The following SNX14 variants were observed in gnomAD, a reference collection of about 807,000 sequenced individuals.
The protein encoded by SNX14 is sorting nexin-14.
Under a neutral mutation model 133.8 loss-of-function variants are expected in SNX14, and 93 were observed. The observed-to-expected ratio is 0.70, with a 90% confidence interval of 0.59 to 0.83. SNX14 has a LOEUF of 0.83. Ranked by LOEUF, SNX14 falls within the 40% of genes least tolerant of loss-of-function variation. SNX14 has a pLI of 0.00. For synonymous variants in SNX14, 368 were observed against 365.6 expected (o/e 1.01, Z -0.07); for missense variants, 945 against 1,094.9 (o/e 0.86, Z 1.93).
chr6:85,575,519 T>C (rs1050904637), intron 1 of SNX14, among the ~76,000 whole-genome samples: 2 of 152,142 alleles, frequency 1.3e-5, no homozygotes, highest in Admixed American at 6.5e-5. Context: ...TGTCTCCCAA[T>C]AATAAATCTG....
chr6:85,582,592 G>A lies in SNX14; in HGVS notation c.141-8214C>T, dbSNP rs145767399. 5.7e-3 allele frequency among the ~76,000 whole-genome samples: 856 copies of A among 151,480 alleles called. 8 individuals carry two copies. The highest frequency in any genetic ancestry group is 0.02 in the African/African-American group (825 of 41,356). On this transcript the variant is annotated intron_variant, in intron 1 of 28. Transcript: ENST00000314673. ...TAGACACAATAAAAAATGATAAAGG[G>A]GATATCATCACTGATCTCACAAAAA...
rs1180833979 is a variant in SNX14 at position 85,536,742 on chromosome 6, C to T, written c.1608+50G>A. The T allele has an allele frequency of 4.5e-6, 7 of 1,553,138 alleles. No homozygotes were observed. The East Asian group carries it at 6.9e-5, about 15-fold the overall frequency. On this transcript the variant is annotated intron_variant, in intron 17 of 28. Transcript: ENST00000314673. ...TAATGAGTATATCTAATTTTTATGT[C>T]ATAGTAAGTCTGAAGTTATAAATAA...
At chr6:85,519,904 A>G (rs1402906315) in intron 21 of SNX14, among the ~76,000 whole-genome samples, 1 of 152,116 alleles carries the variant, frequency 6.6e-6, no homozygotes, top group African/African-American at 2.4e-5. Flanking sequence ...AAAAACTATG[A>G]TTGTGCCACT....
chr6:85,587,973 AG>A (rs1171514334), intron 1 of SNX14, among the ~76,000 whole-genome samples: 1 of 152,144 alleles, frequency 6.6e-6, no homozygotes, highest in Non-Finnish European at 1.5e-5. Context: ...AGCGGGGGGC[AG>A]GGTGTGTGTG....
chr6:85,508,601 G>A (rs559320106), intron 26 of SNX14: 1 of 159,806 alleles, frequency 6.3e-6, no homozygotes, highest in Admixed American at 6.5e-5. Context: ...ACTTTTCTCA[G>A]TGAATAAGAA....
At chr6:85,514,363 T>C (rs1774041504) in intron 24 of SNX14, 129 bp from the exon 25 acceptor site, 2 of 1,437,904 alleles carry the variant, frequency 1.4e-6, no homozygotes, top group Non-Finnish European at 1.9e-6. Flanking sequence ...TTTAATATGA[T>C]CAAGGCCAAT....
intron 23 of SNX14, among the ~76,000 whole-genome samples, chr6:85,516,191 T>G (rs1774914321): frequency 6.6e-6 from 1 of 152,178 alleles, no homozygotes; most frequent in Admixed American, 6.5e-5. Context: ...AAAACACTCC[T>G]TGAATAGATG....
At chr6:85,575,261 AAAT>A (rs1326842033) in intron 1 of SNX14, among the ~76,000 whole-genome samples, 2 of 152,232 alleles carry the variant, frequency 1.3e-5, no homozygotes, top group Non-Finnish European at 2.9e-5. Context: ...TGATTGTGCT[AAAT>A]AACACCAGTC....
chr6:85,525,621 A>G (rs1421157643), intron 21 of SNX14, among the ~76,000 whole-genome samples: 5 of 152,174 alleles, frequency 3.3e-5, no homozygotes, highest in African/African-American at 9.6e-5. Context: ...AATAACTACT[A>G]CAAGTGACCC....
At chr6:85,556,087 T>G (rs1789663916) in intron 7 of SNX14, among the ~76,000 whole-genome samples, 1 of 152,102 alleles carries the variant, frequency 6.6e-6, no homozygotes, top group South Asian at 2.1e-4. Context: ...ATGTATCAAG[T>G]AATGTAAGAT....
Position 85,541,998 on chromosome 6 carries a change from A to T in SNX14, c.1435T>A (p.Ser479Thr). 1 of 1,595,208 alleles carries T rather than the reference A, an allele frequency of 6.3e-7. No homozygotes were observed. The part of the protein sequence containing the change: ...LRGAESPTRN[S>T]KLNRGSLSLD... Reference sequence around the variant, plus strand: ...CATACAACCTACCTGTTCAATTTTGAATTGCGTGTTGGTGATTCTGCACCT... The same window carrying T: ...CATACAACCTACCTGTTCAATTTTGTATTGCGTGTTGGTGATTCTGCACCT... Residue 479 changes from serine to threonine, a missense_variant, in exon 15 of 29, where the codon TCA becomes ACA. Ser to Thr is a moderately conservative substitution (Grantham distance 58). Coordinates refer to ENST00000314673, the MANE Select transcript of SNX14 (RefSeq NM_153816.6).
At chr6:85,514,008 T>C in intron 25 of SNX14, 62 bp downstream of exon 25, 1 of 1,567,342 alleles carries the variant, frequency 6.4e-7, no homozygotes, top group Non-Finnish European at 8.6e-7. Context: ...TCTTCCTCTT[T>C]AGATTCAATT....
intron 15 of SNX14, among the ~76,000 whole-genome samples, chr6:85,540,965 TTATA>T (rs1327370757): frequency 6.6e-6 from 1 of 152,064 alleles, no homozygotes; most frequent in African/African-American, 2.4e-5. Context: ...TTCATTTACC[TTATA>T]TATAATAAGT....
chr6:85,559,837 T>C (rs893724555), intron 6 of SNX14, among the ~76,000 whole-genome samples: 2 of 152,082 alleles, frequency 1.3e-5, no homozygotes, highest in Non-Finnish European at 2.9e-5. Flanking sequence ...GGTAAGGAAT[T>C]TGAATGGACA....
At chr6:85,571,535 C>T (rs1795597075) in intron 4 of SNX14, among the ~76,000 whole-genome samples, 2 of 152,124 alleles carry the variant, frequency 1.3e-5, no homozygotes, top group African/African-American at 2.4e-5. Flanking sequence ...CAACAATATA[C>T]GTGACCTGAT....
intron 26 of SNX14, among the ~76,000 whole-genome samples, chr6:85,510,379 T>A (rs75141485): frequency 6.6e-6 from 1 of 152,180 alleles, no homozygotes; most frequent in Non-Finnish European, 1.5e-5. Context: ...CTTGATGACA[T>A]ATGATGTAGA....
In SNX14 at chr6:85,536,932, T is replaced by C. The variant is rs1475452583; in HGVS notation, c.1476-8A>G. 6.2e-7 allele frequency: 1 copy of C among 1,610,070 alleles called. No homozygotes were observed. The highest frequency in any genetic ancestry group is 8.5e-7 in the Non-Finnish European group (1 of 1,178,536). On this transcript the variant is annotated splice_region_variant and splice_polypyrimidine_tract_variant and intron_variant, in intron 16 of 28. Transcript: ENST00000314673. ...CCCCTTTTCTGTGTGTTCCTGAATA[T>C]TAAACAAAAATGTATCAAGTACATA...
intron 7 of SNX14, among the ~76,000 whole-genome samples, chr6:85,555,821 C>G (rs1789535649): frequency 6.6e-6 from 1 of 151,946 alleles, no homozygotes; most frequent in South Asian, 2.1e-4. Context: ...GAAACCTCAT[C>G]TCTACTAAAA....
At position 85,547,314 on chromosome 6, in the gene SNX14, T is replaced by C. The variant is rs922066604; in HGVS notation, c.993+3A>G. 2 of 1,613,242 alleles carry C rather than the reference T, an allele frequency of 1.2e-6. No individual in the cohort carries two copies. The highest frequency in any genetic ancestry group is 1.3e-5 in the African/African-American group (1 of 74,858). ...AAAAGGTGTTATTGCTGAAAATTCT[T>C]ACAGATGGCTTTTTATTTCTAGGTT... On this transcript the variant is annotated splice_donor_region_variant and intron_variant, in intron 11 of 28. Coordinates refer to ENST00000314673, the MANE Select transcript of SNX14 (RefSeq NM_153816.6).
Sources: gnomAD v4.1 joint callset for allele counts (sites outside exome capture counted in the v4.1 genomes callset) on GRCh38, gnomAD v4.1.1 for gene constraint, MANE v1.5 for transcripts, NCBI Gene and HGNC (gene_info 2026-07-23, HGNC 2026-07-21) for gene names.